Variants in FSHR observed in about 807,000 individuals in gnomAD.
FSHR encodes follicle-stimulating hormone receptor.
FSHR carries 46 observed loss-of-function variants against 52.1 expected under a neutral mutation model. The ratio of observed to expected loss-of-function variants is 0.88; its 90% CI spans 0.70 to 1.13. FSHR has a LOEUF of 1.13. FSHR is among the 50% of genes most tolerant of loss of function. The probability of loss-of-function intolerance (pLI) is 0.00; values close to 1 mark genes in which losing one functional copy is unlikely to be tolerated. For missense variants in FSHR, 964 were observed against 834.6 expected, an observed-to-expected ratio of 1.16 and a Z score of -1.91; for synonymous variants, 399 against 309.6, an observed-to-expected ratio of 1.29 and a Z score of -3.03.
chr2:49,089,981 A>G (rs1670540364), intron 1 of FSHR, among the ~76,000 whole-genome samples: 1 of 152,248 alleles, frequency 6.6e-6, no homozygotes, highest in Non-Finnish European at 1.5e-5. Context: ...CAAAAAGACC[A>G]GGAAAAATGA....
chr2:49,146,330 G>T (rs923365699), intron 1 of FSHR, among the ~76,000 whole-genome samples: 1 of 152,018 alleles, frequency 6.6e-6, no homozygotes, highest in Non-Finnish European at 1.5e-5. Flanking sequence ...AGTGCTCAAG[G>T]ATGTGGCCCT....
At chr2:48,970,688 C>T (rs1222682623) in intron 8 of FSHR, among the ~76,000 whole-genome samples, 1 of 152,176 alleles carries the variant, frequency 6.6e-6, no homozygotes, top group African/African-American at 2.4e-5. Context: ...CTCCTGAGCT[C>T]CAGGTCCACA....
intron 6 of FSHR, 97 bp from the exon 7 acceptor site, chr2:48,983,263 G>T (rs1031223111): frequency 2.7e-6 from 3 of 1,112,276 alleles, no homozygotes; most frequent in Non-Finnish European, 4.1e-6. Flanking sequence ...GACAGCACAG[G>T]TTAGTGGCAT....
At chr2:49,142,790 A>G (rs901251275) in intron 1 of FSHR, among the ~76,000 whole-genome samples, 6 of 152,168 alleles carry the variant, frequency 3.9e-5, no homozygotes, top group African/African-American at 1.4e-4. Flanking sequence ...ATACGGATAA[A>G]TGAAGAGTTT....
chr2:49,061,821 A>G (rs1323717604), intron 2 of FSHR, among the ~76,000 whole-genome samples: 2 of 138,320 alleles, frequency 1.4e-5, no homozygotes, highest in Non-Finnish European at 3.1e-5. Context: ...GTCATATATA[A>G]CTATATATGT....
At chr2:48,988,118 T>C (rs1381803799) in intron 6 of FSHR, among the ~76,000 whole-genome samples, 1 of 152,230 alleles carries the variant, frequency 6.6e-6, no homozygotes, top group Non-Finnish European at 1.5e-5. Flanking sequence ...TATTTCTTTT[T>C]TCTTTCAACA....
chr2:48,977,906 C>T (rs1394375121), intron 8 of FSHR, among the ~76,000 whole-genome samples: 1 of 152,116 alleles, frequency 6.6e-6, no homozygotes, highest in Non-Finnish European at 1.5e-5. Flanking sequence ...TGTTTTTAAA[C>T]TTTATCTTTC....
intron 1 of FSHR, among the ~76,000 whole-genome samples, chr2:49,076,372 C>A (rs1358797455): frequency 6.6e-6 from 1 of 152,148 alleles, no homozygotes. Context: ...CAGGGGAACT[C>A]ATCTTTTTAA....
At chr2:49,104,169 G>A (rs979998561) in intron 1 of FSHR, among the ~76,000 whole-genome samples, 1 of 152,088 alleles carries the variant, frequency 6.6e-6, no homozygotes, top group Non-Finnish European at 1.5e-5. Context: ...CTGACCCCAG[G>A]CCCAATGGCC....
At chr2:49,028,008 T>G (rs1286901931) in intron 2 of FSHR, among the ~76,000 whole-genome samples, 1 of 152,042 alleles carries the variant, frequency 6.6e-6, no homozygotes, top group Non-Finnish European at 1.5e-5. Context: ...TGGTAGGTAG[T>G]AAGGGAGTGG....
At chr2:49,046,796 G>T (rs533796295) in intron 2 of FSHR, among the ~76,000 whole-genome samples, 2 of 152,130 alleles carry the variant, frequency 1.3e-5, no homozygotes, top group African/African-American at 4.8e-5. Context: ...TAGTTGGCTT[G>T]GTCTCTCTTA....
chr2:49,036,634 C>T (rs1668280827), intron 2 of FSHR, among the ~76,000 whole-genome samples: 1 of 152,128 alleles, frequency 6.6e-6, no homozygotes, highest in South Asian at 2.1e-4. Flanking sequence ...TCTAGCATTT[C>T]TTCTTTGTCT....
intron 2 of FSHR, among the ~76,000 whole-genome samples, chr2:49,022,687 C>T (rs981573861): frequency 6.6e-6 from 1 of 152,092 alleles, no homozygotes; most frequent in African/African-American, 2.4e-5. Flanking sequence ...ACCCTCCCTG[C>T]CTCCCGTGCC....
chr2:49,105,953 T>C (rs1354523148), intron 1 of FSHR, among the ~76,000 whole-genome samples: 1 of 152,142 alleles, frequency 6.6e-6, no homozygotes, highest in Non-Finnish European at 1.5e-5. Context: ...AAAAGCAAAC[T>C]GGGCAGTCAT....
intron 4 of FSHR, among the ~76,000 whole-genome samples, chr2:49,003,243 T>C (rs1445169464): frequency 6.6e-6 from 1 of 152,178 alleles, no homozygotes. Flanking sequence ...TGCTCCCCTC[T>C]CTACCCAAAC....
rs568997498 is a variant in FSHR, at chr2:49,036,013, C to A, written c.225-15853G>T. Among the ~76,000 whole-genome samples the A allele has an allele frequency of 2.6e-5, 4 of 152,338 alleles. No homozygotes were observed. The South Asian group carries it at 8.3e-4, about 32-fold the overall frequency. On this transcript the variant is annotated intron_variant, in intron 2 of 9. Transcript: ENST00000406846. Reference sequence around the variant, plus strand: ...CAGCAACACTTCTCTTACTCCCTTTCTTTCTTCTCAAACCCATGATCGATA... The same window carrying A: ...CAGCAACACTTCTCTTACTCCCTTTATTTCTTCTCAAACCCATGATCGATA...
Position 49,138,843 on chromosome 2 carries a change from T to TTA in FSHR, c.152+15421_152+15422dup, listed in dbSNP as rs199688570. On this transcript the variant is annotated intron_variant, in intron 1 of 9. Coordinates refer to ENST00000406846, the MANE Select transcript of FSHR (RefSeq NM_000145.4). ...ATGAGAAGATTGTATTGTATGTGAG[T>TTA]TATAGCTCAAAGCTGTTTTTTTTTA... Among the ~76,000 whole-genome samples, 629 of 152,310 alleles carry TTA rather than the reference T, an allele frequency of 4.1e-3. 5 individuals carry two copies. Among genetic ancestry groups the TTA allele is most frequent in the Non-Finnish European group, 5.4e-3 (368 of 68,026 alleles).
chr2:48,963,839 T>G lies in FSHR; in HGVS notation c.982A>C (p.Met328Leu), dbSNP rs1316489632. Reference sequence around the variant, plus strand: ...TCATAGTCAAACTCAGTGTACGTCATGTCAAATCCTCTGCTGTAGCTGGAC... The same window carrying G: ...TCATAGTCAAACTCAGTGTACGTCAGGTCAAATCCTCTGCTGTAGCTGGAC... ...NESSYSRGFD[M>L]TYTEFDYDLC... Residue 328 changes from methionine to leucine, a missense_variant, in exon 10 of 10, where the codon ATG (methionine) becomes CTG (leucine). Transcript: ENST00000406846. 3 of 1,614,056 alleles carry G rather than the reference T, an allele frequency of 1.9e-6. No individual in the cohort carries two copies. Among genetic ancestry groups the G allele is most frequent in the South Asian group, 2.2e-5 (2 of 91,078 alleles).
intron 1 of FSHR, among the ~76,000 whole-genome samples, chr2:49,079,603 T>A (rs1670091509): frequency 6.6e-6 from 1 of 152,078 alleles, no homozygotes; most frequent in East Asian, 1.9e-4. Context: ...AACAAAGGAA[T>A]ATGATAAATG....
Sources: gnomAD v4.1 joint callset for allele counts (sites outside exome capture counted in the v4.1 genomes callset) on GRCh38, gnomAD v4.1.1 for gene constraint, MANE v1.5 for transcripts, NCBI Gene and HGNC (gene_info 2026-07-23, HGNC 2026-07-21) for gene names.